The following NXPE3 variants were observed in gnomAD, a reference collection of about 807,000 sequenced individuals.
The protein encoded by NXPE3 is neurexophilin and PC-esterase domain family member 3.
Under a neutral mutation model 46.1 loss-of-function variants are expected in NXPE3, and 26 were observed. The observed-to-expected ratio is 0.56, with a 90% confidence interval of 0.41 to 0.78. The LOEUF is 0.78. NXPE3 is among the 30% of genes least tolerant of loss of function. The pLI is 0.00. For missense variants in NXPE3, 620 were observed against 686.0 expected (o/e 0.90, Z 1.07); for synonymous variants, 272 against 257.9 (o/e 1.05, Z -0.52).
chr3:101,785,759 G>A, intron 4 of NXPE3, 70 bp downstream of exon 4: 3 of 1,282,848 alleles, frequency 2.3e-6, no homozygotes, highest in Non-Finnish European at 3.4e-6. Flanking sequence ...ACTAGCCTGG[G>A]AAAACGTTGG....
At chr3:101,803,127 A>G (rs765722357) in intron 5 of NXPE3, among the ~76,000 whole-genome samples, 19 of 152,020 alleles carry the variant, frequency 1.2e-4, no homozygotes, top group Non-Finnish European at 1.9e-4. Context: ...CTTGGTAGAG[A>G]GAATTTTTTT....
At chr3:101,804,358 C>T (rs1325737451) in intron 5 of NXPE3, among the ~76,000 whole-genome samples, 1 of 152,222 alleles carries the variant, frequency 6.6e-6, no homozygotes, top group African/African-American at 2.4e-5. Flanking sequence ...TGTCCCTGCC[C>T]TTCCTTGCAT....
intron 6 of NXPE3, among the ~76,000 whole-genome samples, chr3:101,815,494 G>A (rs1427710505): frequency 6.6e-6 from 1 of 152,202 alleles, no homozygotes; most frequent in Non-Finnish European, 1.5e-5. Flanking sequence ...TCTCTTCTGG[G>A]AGAATGCTGG....
chr3:101,823,147 T>C lies in NXPE3; in HGVS notation c.*1193T>C, dbSNP rs1942333348. 1 of 152,170 alleles carries C rather than the reference T, an allele frequency of 6.6e-6. No individual in the cohort carries two copies. The highest frequency in any genetic ancestry group is 1.5e-5 in the Non-Finnish European group (1 of 68,036). 9.4% of individuals were successfully genotyped at this position (152,170 alleles called of 1,614,324 possible). ...TTTCTTTTTGAGCTGTGATAGATTATAGTCTAGTTTAAGTTGCTCCTAAGT... is the reference window on the plus strand; with the variant it reads ...TTTCTTTTTGAGCTGTGATAGATTACAGTCTAGTTTAAGTTGCTCCTAAGT... On this transcript the variant is annotated 3_prime_UTR_variant, in exon 8 of 8. Coordinates refer to ENST00000273347, the MANE Select transcript of NXPE3 (RefSeq NM_145037.4).
intron 6 of NXPE3, among the ~76,000 whole-genome samples, chr3:101,813,592 T>C (rs976030642): frequency 1.3e-5 from 2 of 152,036 alleles, no homozygotes; most frequent in Non-Finnish European, 2.9e-5. Flanking sequence ...TTTCAAATAA[T>C]AAAAAATATC....
chr3:101,794,962 T>C (rs182002571), intron 4 of NXPE3, among the ~76,000 whole-genome samples: 2 of 152,332 alleles, frequency 1.3e-5, no homozygotes, highest in East Asian at 3.9e-4. Context: ...CGTCTTTTAG[T>C]GGAGTGAGCT....
intron 4 of NXPE3, among the ~76,000 whole-genome samples, chr3:101,798,551 A>G (rs1940963985): frequency 6.8e-6 from 1 of 147,878 alleles, no homozygotes; most frequent in Non-Finnish European, 1.5e-5. Flanking sequence ...GTATGTAGAT[A>G]TATGTCTATA....
At chr3:101,788,443 TC>T (rs1940316569) in intron 4 of NXPE3, among the ~76,000 whole-genome samples, 1 of 152,244 alleles carries the variant, frequency 6.6e-6, no homozygotes, top group African/African-American at 2.4e-5. Context: ...ATCCAAGAAA[TC>T]ATCACCAAAT....
Position 101,801,803 on chromosome 3 carries a change from A to C in NXPE3, c.662A>C (p.Glu221Ala). ...KSLFRSGRIS[E>A]TTECNVCLPG... ...CTCTTCCGTTCAGGAAGAATTTCTGAAACTACTGAGTGCAACGTGTGTCTT... is the reference window on the plus strand; with the variant it reads ...CTCTTCCGTTCAGGAAGAATTTCTGCAACTACTGAGTGCAACGTGTGTCTT... Residue 221 changes from glutamate to alanine, a missense_variant, in exon 5 of 8, where the codon GAA becomes GCA. By Grantham distance (107) the Glu-to-Ala change is moderately radical. Coordinates refer to ENST00000273347, the MANE Select transcript of NXPE3 (RefSeq NM_145037.4). The C allele has an allele frequency of 6.2e-7, 1 of 1,614,188 alleles. No individual in the cohort carries two copies. The highest frequency in any genetic ancestry group is 2.2e-5 in the East Asian group (1 of 44,876).
intron 7 of NXPE3, among the ~76,000 whole-genome samples, chr3:101,819,986 G>A (rs554459808): frequency 1.3e-5 from 2 of 151,072 alleles, no homozygotes; most frequent in Non-Finnish European, 2.9e-5. Flanking sequence ...GGCAAATATT[G>A]CATGAGGTTC....
intron 5 of NXPE3, among the ~76,000 whole-genome samples, chr3:101,803,932 T>C (rs566670448): frequency 1.5e-4 from 23 of 152,332 alleles, no homozygotes. Context: ...AGTTGTGTTT[T>C]TAGATTTTTA....
At chr3:101,810,899 G>GCTCACTGCAAACCTCTGC (rs1363331927) in intron 6 of NXPE3, among the ~76,000 whole-genome samples, 1 of 152,028 alleles carries the variant, frequency 6.6e-6, no homozygotes, top group Non-Finnish European at 1.5e-5. Context: ...TGCGATCCTG[G>GCTCACTGCAAACCTCTGC]CTCACTGCAA....
rs2107364840 is a variant in NXPE3 at position 101,821,818 on chromosome 3, G to A, written c.1544G>A (p.Gly515Glu). 1 of 1,614,168 alleles carries A rather than the reference G, an allele frequency of 6.2e-7. No homozygotes were observed. Among genetic ancestry groups the A allele is most frequent in the African/African-American group, 1.3e-5 (1 of 75,020 alleles). Residue 515 changes from glycine (G) to glutamate (E), a missense_variant, in exon 8 of 8, where the codon GGG becomes GAG. Physicochemically the swap from Gly to Glu is moderately conservative, Grantham distance 98 (BLOSUM62 -2). This residue lies in a region of NXPE3 where 75 missense variants were observed against 121.1 expected (regional missense o/e 0.62). Transcript: ENST00000273347. ...ACCATCCTTCGGAGGATGTTCTCAG[G>A]GGTTGGAGTATATCTCGTCGATGCC... ...LDTILRRMFS[G>E]VGVYLVDAWE...
At position 101,801,498 on chromosome 3, in the gene NXPE3, G is replaced by T. The variant is rs757045585; in HGVS notation, c.357G>T (p.Val119=). ...VILNSAAFFK[V]GSQLEVLVHV... The stretch of plus-strand genomic sequence containing the variant: ...TGAACTCTGCTGCCTTCTTTAAGGT[G>T]GGAAGCCAGCTTGAGGTGCTGGTTC... Residue 119 remains valine (V), a synonymous_variant, in exon 5 of 8, where the codon GTG becomes GTT. Transcript: ENST00000273347. 7 of 1,614,126 alleles carry T rather than the reference G, an allele frequency of 4.3e-6. No individual in the cohort carries two copies. Among genetic ancestry groups the T allele is most frequent in the East Asian group, 2.2e-5 (1 of 44,876 alleles).
Position 101,816,818 on chromosome 3 carries a change from C to G in NXPE3, c.946C>G (p.Gln316Glu), listed in dbSNP as rs769964471. 44 of 1,613,776 alleles carry G rather than the reference C, an allele frequency of 2.7e-5. No homozygotes were observed. Among genetic ancestry groups the G allele is most frequent in the Non-Finnish European group, 3.6e-5 (42 of 1,179,848 alleles). ...IKETNSLELS[Q>E]GSGTFPSGYY... ...AGAAACTAACAGTCTAGAACTATCTCAAGGCTCAGGAACTTTTCCTTCTGG... is the reference window on the plus strand; with the variant it reads ...AGAAACTAACAGTCTAGAACTATCTGAAGGCTCAGGAACTTTTCCTTCTGG... Residue 316 changes from glutamine (Q) to glutamate (E), a missense_variant, in exon 7 of 8, where the codon CAA becomes GAA. Gln to Glu is a conservative substitution (Grantham distance 29). Coordinates refer to ENST00000273347, the MANE Select transcript of NXPE3 (RefSeq NM_145037.4).
intron 4 of NXPE3, among the ~76,000 whole-genome samples, chr3:101,799,180 TTCTTCTGCTTCAGCC>T (rs1398699060): frequency 2.6e-5 from 4 of 152,044 alleles, no homozygotes; most frequent in Non-Finnish European, 4.4e-5. Flanking sequence ...CCTCAAGCAG[TTCTTCTGCTTCAGCC>T]TCCCGAAGTG....
At chr3:101,811,686 G>A (rs1941712153) in intron 6 of NXPE3, among the ~76,000 whole-genome samples, 1 of 151,282 alleles carries the variant, frequency 6.6e-6, no homozygotes, top group Non-Finnish European at 1.5e-5. Context: ...AGGAGGTATG[G>A]CCAATGATGT....
chr3:101,807,124 A>G lies in NXPE3; in HGVS notation c.920A>G (p.Lys307Arg). The G allele has an allele frequency of 1.2e-6, 2 of 1,610,106 alleles. No individual in the cohort carries two copies. Among genetic ancestry groups the G allele is most frequent in the Non-Finnish European group, 8.5e-7 (1 of 1,176,656 alleles). Residue 307 changes from lysine (K) to arginine (R), a missense_variant and splice_region_variant, in exon 6 of 8, where the codon AAA (lysine) becomes AGA (arginine). This residue lies in a region of NXPE3 where 511 missense variants were observed against 528.6 expected (regional missense o/e 0.97). Transcript: ENST00000273347. ...DWVTVIPRRI[K>R]ETNSLELSQG... Reference sequence around the variant, plus strand: ...GTAACTGTGATTCCCAGGAGAATAAAAGGTAAAAAAAAGAATAAGCTTGAT... The same window carrying G: ...GTAACTGTGATTCCCAGGAGAATAAGAGGTAAAAAAAAGAATAAGCTTGAT...
intron 4 of NXPE3, among the ~76,000 whole-genome samples, chr3:101,796,713 A>G (rs1940848165): frequency 1.3e-5 from 2 of 152,268 alleles, no homozygotes. Flanking sequence ...ATACTCCTTT[A>G]AAATGAAGCC....
Sources: gnomAD v4.1 joint callset for allele counts (sites outside exome capture counted in the v4.1 genomes callset) on GRCh38, gnomAD v4.1.1 for gene constraint, gnomAD v4.1.1 regional missense constraint, MANE v1.5 for transcripts, NCBI Gene and HGNC (gene_info 2026-07-23, HGNC 2026-07-21) for gene names.